DST: variants seen among roughly 807,000 people sequenced by gnomAD.
DST encodes dystonin.
DST carries 253 observed loss-of-function variants against 875.2 expected under a neutral mutation model. The ratio of observed to expected loss-of-function variants is 0.29; its 90% CI spans 0.26 to 0.32. DST has a LOEUF of 0.32. Among genes scored for constraint, DST ranks in the 10% least tolerant of loss-of-function variants. The pLI, the probability that DST is intolerant of heterozygous loss-of-function variation, is 1.00. For synonymous variants in DST, 3,124 were observed against 3,197.1 expected (o/e 0.98, Z 0.77); for missense variants, 8,287 against 9,111.6 (o/e 0.91, Z 3.68).
chr6:56,529,777 A>G lies in DST; in HGVS notation c.17269-3T>C, dbSNP rs373884076. On this transcript the variant is annotated splice_polypyrimidine_tract_variant and splice_region_variant and intron_variant, in intron 65 of 103. Transcript: ENST00000680361. ...TTGATGATGTCATCTTCTAAGGCCT[A>G]AGCAAAGTTTAAAAAAATAAAGAAG... 3 of 1,531,494 alleles carry G rather than the reference A, an allele frequency of 2.0e-6. No homozygotes were observed. Among genetic ancestry groups the G allele is most frequent in the Admixed American group, 4.7e-5 (2 of 42,766 alleles). 94.9% of individuals were successfully genotyped at this position (1,531,494 alleles called of 1,614,324 possible). A position where few individuals can be genotyped will look rare whatever the true frequency, so the allele number is the denominator to read the frequency against.
chr6:56,905,801 A>C (rs1202059193), intron 2 of DST, among the ~76,000 whole-genome samples: 1 of 152,110 alleles, frequency 6.6e-6, no homozygotes, highest in Non-Finnish European at 1.5e-5. Context: ...GGCACAGGCC[A>C]CCGCACCCAG....
chr6:56,952,731 T>C (rs1176425925), intron 2 of DST, among the ~76,000 whole-genome samples: 1 of 152,092 alleles, frequency 6.6e-6, no homozygotes, highest in Admixed American at 6.5e-5. Flanking sequence ...ATCTTACAGA[T>C]GGGTAAATCG....
chr6:56,584,411 T>G (rs533199608), intron 49 of DST, among the ~76,000 whole-genome samples: 34 of 152,188 alleles, frequency 2.2e-4, no homozygotes, highest in African/African-American at 8.2e-4. Context: ...TATGGGTGTA[T>G]AGGAATGCTT....
In DST at chr6:56,608,585, C is replaced by T. The variant is rs757854979; in HGVS notation, c.6043G>A (p.Val2015Met). The T allele has an allele frequency of 8.1e-6, 13 of 1,613,438 alleles. No homozygotes were observed. Among genetic ancestry groups the T allele is most frequent in the Non-Finnish European group, 1.0e-5 (12 of 1,179,692 alleles). The change falls in exon 40 of 104, where the codon GTG becomes ATG. Residue 2015 changes from valine (V) to methionine (M), a missense_variant. Around this residue, in one of 10 missense-constraint regions of DST, gnomAD observed 3,138 missense variants for 3,116.6 expected, o/e 1.01. Transcript: ENST00000680361. Reference protein sequence around the residue: ...MTVEEAVREGVIDRDTASSIL... With the variant: ...MTVEEAVREGMIDRDTASSIL... ...CTGCTAGCAGTGTCCCTGTCAATCACCCCTTCTCTGACAGCTTCTTCAACA... is the reference window on the plus strand; with the variant it reads ...CTGCTAGCAGTGTCCCTGTCAATCATCCCTTCTCTGACAGCTTCTTCAACA...
intron 4 of DST, among the ~76,000 whole-genome samples, chr6:56,841,404 T>G (rs892431063): frequency 1.3e-5 from 2 of 152,242 alleles, no homozygotes; most frequent in African/African-American, 4.8e-5. Context: ...TTCAGTGACG[T>G]CTGAACAATA....
intron 4 of DST, among the ~76,000 whole-genome samples, chr6:56,812,461 CTG>C (rs1432098609): frequency 9.2e-5 from 14 of 152,158 alleles, no homozygotes; most frequent in Admixed American, 9.2e-4. Flanking sequence ...GAAACATAAA[CTG>C]TATTCTATAG....
At chr6:56,867,121 G>A (rs191402466) in intron 3 of DST, among the ~76,000 whole-genome samples, 2 of 152,290 alleles carry the variant, frequency 1.3e-5, no homozygotes, top group Admixed American at 1.3e-4. Context: ...ACAGAGAACC[G>A]AGGCTAGACC....
chr6:56,636,956 G>A (rs1587421595), intron 22 of DST, among the ~76,000 whole-genome samples: 1 of 152,072 alleles, frequency 6.6e-6, no homozygotes, highest in South Asian at 2.1e-4. Context: ...GGTGGCACGC[G>A]CCTGTGATCC....
intron 5 of DST, 92 bp from the exon 6 acceptor site, chr6:56,704,461 C>T (rs2099324620): frequency 3.2e-6 from 2 of 621,730 alleles, no homozygotes; most frequent in Non-Finnish European, 5.6e-6. Flanking sequence ...GAAAACATTC[C>T]TCACATGGTA....
rs776655350 is a variant in DST, at chr6:56,604,302, A to G, written c.10326T>C (p.Ser3442=). 17 of 1,612,266 alleles carry G rather than the reference A, an allele frequency of 1.1e-5. No homozygotes were observed. Among genetic ancestry groups the G allele is most frequent in the Admixed American group, 1.7e-5 (1 of 59,762 alleles). Residue 3442 remains serine (S), a synonymous_variant, in exon 40 of 104, where the codon TCT becomes TCC. Coordinates refer to ENST00000680361, the MANE Select transcript of DST (RefSeq NM_001374736.1). ...GCTTCAATATATTAAGGAGAAGCTCAGACTTAAGATTTCCAATACAGAAAG... is the reference window on the plus strand; with the variant it reads ...GCTTCAATATATTAAGGAGAAGCTCGGACTTAAGATTTCCAATACAGAAAG... ...DDPFCIGNLK[S]ELLLNILKQD...
chr6:56,476,959 A>T (rs910463918), intron 91 of DST, among the ~76,000 whole-genome samples: 3 of 150,008 alleles, frequency 2.0e-5, no homozygotes. Flanking sequence ...CAAAAGAAAG[A>T]AAAAAAAAAG....
intron 4 of DST, among the ~76,000 whole-genome samples, chr6:56,804,326 TG>T (rs1276994621): frequency 6.6e-6 from 1 of 152,088 alleles, no homozygotes; most frequent in Non-Finnish European, 1.5e-5. Context: ...TAGGAAAAGC[TG>T]TCGTTAAGTA....
At chr6:56,872,047 C>T (rs145118449) in intron 3 of DST, among the ~76,000 whole-genome samples, 1 of 152,224 alleles carries the variant, frequency 6.6e-6, no homozygotes, top group Non-Finnish European at 1.5e-5. Flanking sequence ...AGCGATTCTA[C>T]TAAGAATTGA....
intron 36 of DST, chr6:56,615,360 T>C (rs1032523663): frequency 6.7e-7 from 1 of 1,483,384 alleles, no homozygotes; most frequent in Non-Finnish European, 8.9e-7. Context: ...AATTTAAAAC[T>C]TACTCTATTT....
At chr6:56,492,846 C>T (rs988068473) in intron 84 of DST, 88 bp downstream of exon 84, 346 of 1,135,612 alleles carry the variant, frequency 3.0e-4, no homozygotes, top group South Asian at 1.0e-3. Context: ...CAGTCCTGGA[C>T]GACAGAGGAG....
rs1356335725 is a variant in DST, at chr6:56,712,047, C to CG, written c.688-7679dup. 2.8e-5 allele frequency among the ~76,000 whole-genome samples: 4 copies of CG among 143,084 alleles called. No homozygotes were observed. The East Asian group carries it at 7.9e-4, about 28-fold the overall frequency. 93.9% of individuals were successfully genotyped at this position (143,084 alleles called of 152,430 possible). A position where few individuals can be genotyped will look rare whatever the true frequency, so the allele number is the denominator to read the frequency against. The stretch of plus-strand genomic sequence containing the variant: ...CGGAGCTTGCAGTGAGCCGAGATCC[C>CG]GCCACTGCACTCCAGCCTGGGCGAC... On this transcript the variant is annotated intron_variant, in intron 5 of 103. Transcript: ENST00000680361.
intron 4 of DST, among the ~76,000 whole-genome samples, chr6:56,802,899 T>C (rs943614803): frequency 6.6e-6 from 1 of 152,132 alleles, no homozygotes; most frequent in African/African-American, 2.4e-5. Context: ...CAAATTCAAT[T>C]CGAGAAAAGG....
intron 86 of DST, 144 bp downstream of exon 86, chr6:56,489,346 G>A (rs977562970): frequency 4.4e-5 from 29 of 663,448 alleles, no homozygotes; most frequent in Non-Finnish European, 6.2e-5. Flanking sequence ...AACATGAAGA[G>A]CAATAGCTTT....
intron 3 of DST, among the ~76,000 whole-genome samples, chr6:56,897,199 T>C (rs1791763009): frequency 6.6e-6 from 1 of 151,896 alleles, no homozygotes; most frequent in Non-Finnish European, 1.5e-5. Flanking sequence ...CAAACTTTTC[T>C]ATTTGTTGAG....
Sources: gnomAD v4.1 joint callset for allele counts (sites outside exome capture counted in the v4.1 genomes callset) on GRCh38, gnomAD v4.1.1 for gene constraint, gnomAD v4.1.1 regional missense constraint, MANE v1.5 for transcripts, NCBI Gene and HGNC (gene_info 2026-07-23, HGNC 2026-07-21) for gene names.